Variants in PHTF2 observed in about 807,000 individuals in gnomAD.
PHTF2 encodes the protein protein PHTF2.
A neutral mutation model predicts 101.2 loss-of-function variants in PHTF2; 60 were observed. That is an observed-to-expected ratio of 0.59 (90% CI 0.48 to 0.73). The LOEUF (loss-of-function observed/expected upper bound fraction) is 0.73, where lower values mean the gene tolerates loss of function less well. PHTF2 is among the 30% of genes least tolerant of loss of function. PHTF2 has a pLI of 0.00. For missense variants in PHTF2, 747 were observed against 908.7 expected, an observed-to-expected ratio of 0.82 and a Z score of 2.29; for synonymous variants, 311 against 307.3, an observed-to-expected ratio of 1.01 and a Z score of -0.13.
intron 11 of PHTF2, 155 bp downstream of exon 10, chr7:77,922,933 T>C: frequency 7.3e-7 from 1 of 1,363,784 alleles, no homozygotes; most frequent in Non-Finnish European, 9.5e-7. Flanking sequence ...AAAATAGCAG[T>C]TTTAGGTTTA....
At chr7:77,887,458 T>C (rs1367627955) in intron 3 of PHTF2, among the ~76,000 whole-genome samples, 1 of 152,100 alleles carries the variant, frequency 6.6e-6, no homozygotes, top group East Asian at 1.9e-4. Context: ...ACCTCTGTAA[T>C]GGCTCAAACT....
chr7:77,840,148 G>A (rs563408806), intron 1 of PHTF2, 73 bp from the exon 2 acceptor site: 4 of 781,758 alleles, frequency 5.1e-6, no homozygotes, highest in Non-Finnish European at 9.1e-6. Flanking sequence ...AGAGTGCTAT[G>A]TCTGCATGCT....
chr7:77,925,605 G>C (rs1480099563), intron 11 of PHTF2, among the ~76,000 whole-genome samples: 1 of 141,306 alleles, frequency 7.1e-6, no homozygotes, highest in Admixed American at 7.8e-5. Flanking sequence ...CGCCTCCCGG[G>C]TTCAAGTGAT....
At chr7:77,913,733 G>A (rs77163262) in intron 9 of PHTF2, among the ~76,000 whole-genome samples, 2,080 of 152,258 alleles carry the variant, frequency 0.014, 52 homozygotes, top group African/African-American at 0.047. Context: ...ACAGGTGTGA[G>A]CCACTACACC....
At position 77,925,665 on chromosome 7, in the gene PHTF2, C is replaced by A. The variant is rs184008579; in HGVS notation, c.1119+2887C>A. On this transcript the variant is annotated intron_variant, in intron 11 of 19. Transcript: ENST00000416283. ...ATTTTAATAGAGATGGGGTTTCGCCCTGTTGGCTAGGCTGGTCTTGATGCA... is the reference window on the plus strand; with the variant it reads ...ATTTTAATAGAGATGGGGTTTCGCCATGTTGGCTAGGCTGGTCTTGATGCA... Among the ~76,000 whole-genome samples, 1,252 of 151,754 alleles carry A rather than the reference C, an allele frequency of 8.3e-3. 10 individuals are homozygous for A. The highest frequency in any genetic ancestry group is 0.013 in the Non-Finnish European group (880 of 67,892).
At chr7:77,925,443 G>T (rs560553336) in intron 11 of PHTF2, among the ~76,000 whole-genome samples, 1 of 137,462 alleles carries the variant, frequency 7.3e-6, no homozygotes, top group African/African-American at 2.7e-5. Context: ...CACAAATATT[G>T]TAGGTAAAAT....
At chr7:77,920,416 C>A in exon 10 of PHTF2, 1 of 1,613,474 alleles carries the variant, frequency 6.2e-7, no homozygotes, top group Non-Finnish European at 8.5e-7. Context: ...ACTATTCGAC[C>A]AGAAGAGACA....
intron 2 of PHTF2, among the ~76,000 whole-genome samples, chr7:77,841,762 T>G (rs1451946937): frequency 2.0e-5 from 3 of 152,228 alleles, no homozygotes; most frequent in African/African-American, 7.2e-5. Flanking sequence ...TTTTAAACTT[T>G]TAAACTTCCA....
chr7:77,834,395 AC>A (rs1460500848), intron 1 of PHTF2, among the ~76,000 whole-genome samples: 3 of 152,182 alleles, frequency 2.0e-5, no homozygotes, highest in Non-Finnish European at 4.4e-5. Flanking sequence ...TGTTAAAATA[AC>A]ATAAACTGTT....
chr7:77,855,840 G>C (rs1334563480), intron 3 of PHTF2, among the ~76,000 whole-genome samples: 1 of 152,184 alleles, frequency 6.6e-6, no homozygotes, highest in East Asian at 1.9e-4. Flanking sequence ...TCCACACCAC[G>C]TGGCTGCTGC....
At chr7:77,827,644 G>A (rs552102543) in intron 1 of PHTF2, among the ~76,000 whole-genome samples, 56 of 152,124 alleles carry the variant, frequency 3.7e-4, no homozygotes, top group Middle Eastern at 3.4e-3. Flanking sequence ...GAGCCACTGC[G>A]TGCAGCCTTT....
intron 7 of PHTF2, among the ~76,000 whole-genome samples, chr7:77,902,877 C>T (rs973549916): frequency 6.6e-6 from 1 of 152,024 alleles, no homozygotes; most frequent in Non-Finnish European, 1.5e-5. Context: ...ATCTTATATA[C>T]ATAAAAGGGT....
chr7:77,870,663 T>G (rs1242698501), intron 3 of PHTF2, among the ~76,000 whole-genome samples: 1 of 152,190 alleles, frequency 6.6e-6, no homozygotes, highest in East Asian at 1.9e-4. Flanking sequence ...ATCAAAACTT[T>G]GTATCCTTCA....
At chr7:77,829,740 A>T (rs973688107) in intron 1 of PHTF2, among the ~76,000 whole-genome samples, 1 of 152,208 alleles carries the variant, frequency 6.6e-6, no homozygotes, top group South Asian at 2.1e-4. Flanking sequence ...GGTGAAGGCA[A>T]CTGAGTTATA....
intron 1 of PHTF2, among the ~76,000 whole-genome samples, chr7:77,827,233 G>A (rs1382849798): frequency 1.3e-5 from 2 of 152,114 alleles, no homozygotes; most frequent in Admixed American, 1.3e-4. Context: ...TTTTCTAAAT[G>A]TTAGGAGGAA....
At chr7:77,835,741 T>G (rs1795407040) in intron 1 of PHTF2, among the ~76,000 whole-genome samples, 1 of 152,192 alleles carries the variant, frequency 6.6e-6, no homozygotes, top group Non-Finnish European at 1.5e-5. Context: ...CATAAACAGA[T>G]AACACATATT....
At chr7:77,852,105 A>C (rs1195804010) in intron 2 of PHTF2, among the ~76,000 whole-genome samples, 1 of 152,168 alleles carries the variant, frequency 6.6e-6, no homozygotes, top group Non-Finnish European at 1.5e-5. Flanking sequence ...AACTCACTGC[A>C]GCCTTGAATT....
At chr7:77,906,898 A>G (rs71530326) in intron 7 of PHTF2, among the ~76,000 whole-genome samples, 9,058 of 147,198 alleles carry the variant, frequency 0.062, 385 homozygotes, top group Middle Eastern at 0.092. Flanking sequence ...GCAGAGCGAG[A>G]CTCCGTCTCA....
chr7:77,923,668 T>C (rs766633888), intron 11 of PHTF2: 256 of 985,184 alleles, frequency 2.6e-4, no homozygotes, highest in Admixed American at 3.1e-4. Flanking sequence ...TCATTTGATG[T>C]AGTGTTTCTT....
Sources: allele counts gnomAD v4.1 joint callset (sites outside exome capture counted in the v4.1 genomes callset), GRCh38; gene constraint gnomAD v4.1.1; transcripts MANE v1.5; gene names NCBI Gene and HGNC (gene_info 2026-07-23, HGNC 2026-07-21).